Variants in RAD18 observed in about 807,000 individuals in gnomAD.
RAD18 encodes the protein E3 ubiquitin-protein ligase RAD18.
In RAD18, 47 loss-of-function variants were observed where a neutral mutation model predicts 60.4. The observed-to-expected ratio is 0.78, with a 90% CI of 0.62 to 0.99. The LOEUF (loss-of-function observed/expected upper bound fraction) is 0.99, where lower values mean the gene tolerates loss of function less well. Among genes scored for constraint, RAD18 ranks in the 50% least tolerant of loss-of-function variants. RAD18 has a pLI of 0.00. For synonymous variants in RAD18, 225 were observed against 195.5 expected, an observed-to-expected ratio of 1.15 and a Z score of -1.26; for missense variants, 640 against 593.3, an observed-to-expected ratio of 1.08 and a Z score of -0.82.
chr3:8,925,187 G>C (rs1415409801), intron 7 of RAD18, among the ~76,000 whole-genome samples: 2 of 151,660 alleles, frequency 1.3e-5, no homozygotes, highest in African/African-American at 2.4e-5. Context: ...GAAGAAAAGA[G>C]AGAAGAATCA....
rs1940325272 is a variant in RAD18, at chr3:8,921,781, G to A, written c.890-8061C>T. Among the ~76,000 whole-genome samples, 3 of 152,106 alleles carry A rather than the reference G, an allele frequency of 2.0e-5. No individual in the cohort carries two copies. The South Asian group carries it at 6.2e-4, about 32-fold the overall frequency. On this transcript the variant is annotated intron_variant, in intron 7 of 12. Coordinates refer to ENST00000264926, the MANE Select transcript of RAD18 (RefSeq NM_020165.4). The stretch of plus-strand genomic sequence containing the variant: ...ACCCAGATCTACACAAAGAAACAAA[G>A]AATGCTGAAAATGGTAAATGTGTAG...
At chr3:8,901,664 G>A (rs1159383736) in intron 10 of RAD18, among the ~76,000 whole-genome samples, 3 of 152,118 alleles carry the variant, frequency 2.0e-5, no homozygotes, top group Admixed American at 6.5e-5. Context: ...CGGAAGAGTT[G>A]CTATTTCATG....
At chr3:8,887,547 G>C (rs1443446823) in intron 12 of RAD18, among the ~76,000 whole-genome samples, 1 of 152,166 alleles carries the variant, frequency 6.6e-6, no homozygotes, top group Non-Finnish European at 1.5e-5. Context: ...CTTGTAGCTT[G>C]TTGTTGTTGC....
intron 7 of RAD18, among the ~76,000 whole-genome samples, chr3:8,917,154 TAG>T (rs1415535292): frequency 6.6e-6 from 1 of 152,084 alleles, no homozygotes; most frequent in Non-Finnish European, 1.5e-5. Flanking sequence ...CAGATAACAA[TAG>T]AGTGACATCT....
At chr3:8,953,511 G>C (rs973560730) in intron 2 of RAD18, among the ~76,000 whole-genome samples, 3 of 152,090 alleles carry the variant, frequency 2.0e-5, no homozygotes, top group African/African-American at 7.2e-5. Context: ...TTATTCTCTA[G>C]TGGGCAACTA....
rs45438900 is a variant in RAD18 at position 8,881,240 on chromosome 3, C to T, written c.*117G>A. 5.5e-4 allele frequency: 452 copies of T among 819,408 alleles called. 1 individual carries two copies. Among genetic ancestry groups the T allele is most frequent in the Non-Finnish European group, 7.4e-4 (385 of 519,846 alleles). The allele number at this position is 819,408 out of a possible 1,614,324, so 50.8% of individuals were successfully genotyped here. A position where few individuals can be genotyped will look rare whatever the true frequency, so the allele number is the denominator to read the frequency against. On this transcript the variant is annotated 3_prime_UTR_variant, in exon 13 of 13. Transcript: ENST00000264926. ...CAGAAAAGAATGAATATCAGCTAACCGTAATATTTAGAATTTAGCATCTTT... is the reference window on the plus strand; with the variant it reads ...CAGAAAAGAATGAATATCAGCTAACTGTAATATTTAGAATTTAGCATCTTT...
chr3:8,900,329 C>G (rs745749337), intron 10 of RAD18, among the ~76,000 whole-genome samples: 1 of 152,190 alleles, frequency 6.6e-6, no homozygotes, highest in Admixed American at 6.5e-5. Context: ...CCAGTCAACT[C>G]GGTTCACCCA....
intron 7 of RAD18, among the ~76,000 whole-genome samples, chr3:8,922,086 G>A (rs1940330904): frequency 6.6e-6 from 1 of 152,180 alleles, no homozygotes. Context: ...TTCGGACAGT[G>A]GGTGCAGGAC....
intron 7 of RAD18, among the ~76,000 whole-genome samples, chr3:8,929,901 CCAAA>C (rs1406857289): frequency 3.3e-5 from 5 of 152,162 alleles, no homozygotes; most frequent in African/African-American, 9.7e-5. Flanking sequence ...CCTCGGCCTC[CCAAA>C]CAAAGTGCTG....
intron 2 of RAD18, among the ~76,000 whole-genome samples, chr3:8,949,695 A>T (rs1940899162): frequency 6.6e-6 from 1 of 152,162 alleles, no homozygotes; most frequent in South Asian, 2.1e-4. Flanking sequence ...ACAGACAATC[A>T]CAACTTACTG....
intron 7 of RAD18, among the ~76,000 whole-genome samples, chr3:8,926,769 T>C (rs1940445783): frequency 1.3e-5 from 2 of 152,136 alleles, no homozygotes; most frequent in South Asian, 2.1e-4. Flanking sequence ...TCTACGACTA[T>C]CTGATCTTTG....
chr3:8,890,390 T>C lies in RAD18; in HGVS notation c.1384A>G (p.Lys462Glu). The change falls in exon 12 of 13, where the codon AAA (lysine) becomes GAA (glutamate). Residue 462 changes from lysine (K) to glutamate (E), a missense_variant and splice_region_variant. Coordinates refer to ENST00000264926, the MANE Select transcript of RAD18 (RefSeq NM_020165.4). Reference protein sequence around the residue: ...EEEEAWEASHKNDLQDTEISP... With the variant: ...EEEEAWEASHENDLQDTEISP... ...TATTTCATGATTATGAGAACTCACT[T>C]ATGTGATGCTTCCCAGGCTTCCTCT... 2 of 1,579,078 alleles carry C rather than the reference T, an allele frequency of 1.3e-6. No individual in the cohort carries two copies. The highest frequency in any genetic ancestry group is 1.7e-6 in the Non-Finnish European group (2 of 1,148,330).
At chr3:8,926,027 C>A (rs1940427221) in intron 7 of RAD18, among the ~76,000 whole-genome samples, 1 of 151,500 alleles carries the variant, frequency 6.6e-6, no homozygotes, top group Non-Finnish European at 1.5e-5. Flanking sequence ...TCTCTCACCA[C>A]TCCTATTCAA....
chr3:8,918,113 T>G (rs1940240421), intron 7 of RAD18, among the ~76,000 whole-genome samples: 1 of 151,760 alleles, frequency 6.6e-6, no homozygotes, highest in Non-Finnish European at 1.5e-5. Context: ...AGGTCAGGAG[T>G]TCGAGACCAG....
Position 8,912,462 on chromosome 3 carries a change from G to A in RAD18, c.967-90C>T. 4.6e-6 allele frequency: 4 copies of A among 869,578 alleles called. No homozygotes were observed. The South Asian group carries it at 7.2e-5, about 16-fold the overall frequency. The allele number at this position is 869,578 out of a possible 1,614,324, so 53.9% of individuals were successfully genotyped here. On this transcript the variant is annotated intron_variant, in intron 8 of 12. Coordinates refer to ENST00000264926, the MANE Select transcript of RAD18 (RefSeq NM_020165.4). ...AAACCTTCAAATCTCAAATGTGAGT[G>A]TTTAAAATAGAGGAAAATGATCTCT...
At chr3:8,935,817 C>T in intron 7 of RAD18, 54 bp downstream of exon 7, 1 of 1,379,834 alleles carries the variant, frequency 7.2e-7, no homozygotes, top group Non-Finnish European at 9.7e-7. Flanking sequence ...TTCTGAGCTA[C>T]ACAAAATTGC....
At chr3:8,945,766 G>A (rs560783033) in intron 4 of RAD18, among the ~76,000 whole-genome samples, 20 of 151,898 alleles carry the variant, frequency 1.3e-4, no homozygotes, top group South Asian at 4.2e-4. Flanking sequence ...CACCAAGCCC[G>A]GCCTCCATCT....
At position 8,878,596 on chromosome 3, in the gene RAD18, T is replaced by C. The variant is rs1045563228; in HGVS notation, c.*2761A>G. On this transcript the variant is annotated 3_prime_UTR_variant, in exon 13 of 13. Coordinates refer to ENST00000264926, the MANE Select transcript of RAD18 (RefSeq NM_020165.4). The stretch of plus-strand genomic sequence containing the variant: ...CCTGTTGACACATCAGTCTTTACCA[T>C]GTAATTTTGTTTTTAAAGGCATACC... 2 of 152,176 alleles carry C rather than the reference T, an allele frequency of 1.3e-5. No homozygotes were observed. The highest frequency in any genetic ancestry group is 2.4e-5 in the African/African-American group (1 of 41,446). The allele number at this position is 152,176 out of a possible 1,614,324, so 9.4% of individuals were successfully genotyped here.
At chr3:8,898,850 A>G (rs1939845671) in intron 11 of RAD18, 44 bp downstream of exon 11, 1 of 1,433,702 alleles carries the variant, frequency 7.0e-7, no homozygotes, top group African/African-American at 1.4e-5. Context: ...ACATGTGCAT[A>G]TGAAGTAGAT....
Sources: gnomAD v4.1 joint callset for allele counts (sites outside exome capture counted in the v4.1 genomes callset) on GRCh38, gnomAD v4.1.1 for gene constraint, MANE v1.5 for transcripts, NCBI Gene and HGNC (gene_info 2026-07-23, HGNC 2026-07-21) for gene names.